LCK: variants seen among roughly 807,000 people sequenced by gnomAD.
The protein encoded by LCK is tyrosine-protein kinase Lck.
In LCK, 14 loss-of-function variants were observed where a neutral mutation model predicts 64.6. The ratio of observed to expected loss-of-function variants is 0.22; its 90% CI spans 0.14 to 0.34. The LOEUF is 0.34. Among genes scored for constraint, LCK ranks in the 10% least tolerant of loss-of-function variants. The pLI, the probability that LCK is intolerant of heterozygous loss-of-function variation, is 1.00. For synonymous variants in LCK, 277 were observed against 263.6 expected (o/e 1.05, Z -0.49); for missense variants, 434 against 668.1 (o/e 0.65, Z 3.86).
chr1:32,270,012 C>T (rs1640033423), intron 1 of LCK, among the ~76,000 whole-genome samples: 1 of 152,208 alleles, frequency 6.6e-6, no homozygotes, highest in Non-Finnish European at 1.5e-5. Context: ...GAACTTAGGT[C>T]TCTAACTATG....
intron 1 of LCK, among the ~76,000 whole-genome samples, chr1:32,257,441 G>A (rs1000761236): frequency 1.3e-5 from 2 of 151,746 alleles, no homozygotes; most frequent in Non-Finnish European, 2.9e-5. Flanking sequence ...TTGTACCGAC[G>A]GGGTTTTGCC....
rs779807330 is a variant in LCK at position 32,275,538 on chromosome 1, G to A, written c.378-31G>A. Reference sequence around the variant, plus strand: ...CACGGAGGAAGATCCGACGACAGCCGACGGCCTTCGTTCGCTTCCGCCCTG... The same window carrying A: ...CACGGAGGAAGATCCGACGACAGCCAACGGCCTTCGTTCGCTTCCGCCCTG... On this transcript the variant is annotated intron_variant, in intron 5 of 12. Transcript: ENST00000336890. This position sits in a 1 kb window ranked among gnomAD's most constrained non-coding sequence, Gnocchi z 6.9. 3 of 1,555,862 alleles carry A rather than the reference G, an allele frequency of 1.9e-6. No individual in the cohort carries two copies. The highest frequency in any genetic ancestry group is 1.7e-6 in the Non-Finnish European group (2 of 1,146,388).
At chr1:32,269,468 C>T (rs1640019758) in intron 1 of LCK, 1 of 151,504 alleles carries the variant, frequency 6.6e-6, no homozygotes, top group African/African-American at 2.4e-5. Flanking sequence ...GTATCTTGCT[C>T]TGTCACCTAG....
intron 1 of LCK, among the ~76,000 whole-genome samples, chr1:32,271,068 G>A (rs964349684): frequency 6.9e-5 from 10 of 145,598 alleles, no homozygotes; most frequent in Non-Finnish European, 1.3e-4. Flanking sequence ...TGGCACAATC[G>A]TAGCTCATTG....
intron 12 of LCK, among the ~76,000 whole-genome samples, chr1:32,284,385 G>A (rs1294291484): frequency 2.7e-5 from 4 of 149,094 alleles, no homozygotes; most frequent in Non-Finnish European, 5.9e-5. Flanking sequence ...TTTGAGACAA[G>A]AGTCTGGCTT....
At chr1:32,279,613 G>A (rs1640387486) in intron 9 of LCK, 58 bp from the exon 10 acceptor site, 7 of 1,613,428 alleles carry the variant, frequency 4.3e-6, no homozygotes, top group African/African-American at 4.0e-5. Context: ...GGAGGAGAAA[G>A]GTCTGGGGGC....
In LCK at chr1:32,279,831, T is replaced by A; in HGVS notation, c.1042-10T>A. On this transcript the variant is annotated splice_polypyrimidine_tract_variant and intron_variant, in intron 10 of 12. Coordinates refer to ENST00000336890, the MANE Select transcript of LCK (RefSeq NM_005356.5). The stretch of plus-strand genomic sequence containing the variant: ...TGGCTCAGGACCGCTGATCTGTGTT[T>A]GGCCTGCAGATTGCAGAAGGCATGG... The A allele has an allele frequency of 6.2e-7, 1 of 1,614,172 alleles. No individual in the cohort carries two copies. Among genetic ancestry groups the A allele is most frequent in the Non-Finnish European group, 8.5e-7 (1 of 1,180,006 alleles).
intron 12 of LCK, among the ~76,000 whole-genome samples, chr1:32,280,422 T>G (rs1249985232): frequency 6.6e-6 from 1 of 150,466 alleles, no homozygotes. Context: ...AGCTCTTTTC[T>G]TTTTCTCTTT....
rs376396038 is a variant in LCK, at chr1:32,281,951, C to T, written c.1327+1741C>T. Reference sequence around the variant, plus strand: ...TGGGCATGGTGGCACGCGCCTGTAACCCTAGATACTCAGGAGGCTGAGGCA... The same window carrying T: ...TGGGCATGGTGGCACGCGCCTGTAATCCTAGATACTCAGGAGGCTGAGGCA... On this transcript the variant is annotated intron_variant, in intron 12 of 12. Transcript: ENST00000336890. Among the ~76,000 whole-genome samples, 3 of 151,990 alleles carry T rather than the reference C, an allele frequency of 2.0e-5. No individual in the cohort carries two copies. The East Asian group carries it at 5.8e-4, about 29-fold the overall frequency.
In LCK at chr1:32,285,636, C is replaced by T. The variant is rs1640592411; in HGVS notation, c.1450C>T (p.Arg484Trp). Residue 484 changes from arginine to tryptophan, a missense_variant, in exon 13 of 13, where the codon CGG becomes TGG. Coordinates refer to ENST00000336890, the MANE Select transcript of LCK (RefSeq NM_005356.5). ...GTGCTGGAAGGAGCGCCCAGAGGAC[C>T]GGCCCACCTTTGACTACCTGCGCAG... The part of the protein sequence containing the change: ...RLCWKERPED[R>W]PTFDYLRSVL... 6 of 1,614,042 alleles carry T rather than the reference C, an allele frequency of 3.7e-6. No individual in the cohort carries two copies. The highest frequency in any genetic ancestry group is 1.7e-5 in the Admixed American group (1 of 59,994).
intron 1 of LCK, among the ~76,000 whole-genome samples, chr1:32,260,615 G>A (rs1345095996): frequency 6.6e-6 from 1 of 151,998 alleles, no homozygotes; most frequent in Admixed American, 6.6e-5. Context: ...TGTTTTTTGT[G>A]TTGCTTTGTT....
chr1:32,256,501 G>A (rs984691063), intron 1 of LCK, among the ~76,000 whole-genome samples: 2 of 151,838 alleles, frequency 1.3e-5, no homozygotes, highest in African/African-American at 4.8e-5. Flanking sequence ...GGGAGGCTGA[G>A]ACAGGAGAAT....
intron 1 of LCK, among the ~76,000 whole-genome samples, chr1:32,271,878 G>C (rs1481411820): frequency 6.6e-6 from 1 of 152,160 alleles, no homozygotes. Flanking sequence ...GTGGGACCCT[G>C]GGGCTGACAT....
At chr1:32,281,815 A>G (rs1640467831) in intron 12 of LCK, among the ~76,000 whole-genome samples, 1 of 152,142 alleles carries the variant, frequency 6.6e-6, no homozygotes, top group Non-Finnish European at 1.5e-5. Flanking sequence ...CTGTAATACC[A>G]GCACTTTGGG....
At chr1:32,273,125 TGA>T (rs1277049800) in intron 1 of LCK, among the ~76,000 whole-genome samples, 1 of 83,638 alleles carries the variant, frequency 1.2e-5, no homozygotes, top group African/African-American at 4.9e-5. Flanking sequence ...GGTACGTGTG[TGA>T]GAGTGGGTGC....
chr1:32,259,342 G>C (rs967754462), intron 1 of LCK, among the ~76,000 whole-genome samples: 4 of 150,820 alleles, frequency 2.7e-5, no homozygotes, highest in Admixed American at 2.0e-4. Flanking sequence ...GAGGCTGGGT[G>C]CGGTGGCTCA....
intron 9 of LCK, among the ~76,000 whole-genome samples, chr1:32,277,895 T>G (rs917353889): frequency 6.6e-6 from 1 of 152,140 alleles, no homozygotes; most frequent in Admixed American, 6.6e-5. Context: ...TATGCCTACT[T>G]CCAGGTGCTG....
Position 32,285,556 on chromosome 1 carries a change from A to T in LCK, c.1370A>T (p.Tyr457Phe). The T allele has an allele frequency of 6.2e-7, 1 of 1,614,224 alleles. No individual in the cohort carries two copies. The highest frequency in any genetic ancestry group is 8.5e-7 in the Non-Finnish European group (1 of 1,180,036). Residue 457 changes from tyrosine (Y) to phenylalanine (F), a missense_variant, in exon 13 of 13, where the codon TAC (tyrosine) becomes TTC (phenylalanine). This residue lies in a region of LCK where 201 missense variants were observed against 376.9 expected (regional missense o/e 0.53). Coordinates refer to ENST00000336890, the MANE Select transcript of LCK (RefSeq NM_005356.5). ...PEVIQNLERGYRMVRPDNCPE... is the reference protein window; with the variant it reads ...PEVIQNLERGFRMVRPDNCPE... ...GTGATTCAGAACCTGGAGCGAGGCT[A>T]CCGCATGGTGCGCCCTGACAACTGT... is the stretch of plus-strand genomic sequence containing the variant.
chr1:32,260,052 A>G (rs1399826684), intron 1 of LCK, among the ~76,000 whole-genome samples: 1 of 150,814 alleles, frequency 6.6e-6, no homozygotes, highest in Non-Finnish European at 1.5e-5. Flanking sequence ...ATTTTATTTT[A>G]TTTTATTTTT....
Sources: gnomAD v4.1 joint callset for allele counts (sites outside exome capture counted in the v4.1 genomes callset) on GRCh38, gnomAD v4.1.1 for gene constraint, gnomAD v4.1.1 regional missense constraint, Gnocchi (gnomAD v3.1) non-coding constraint, MANE v1.5 for transcripts, NCBI Gene and HGNC (gene_info 2026-07-23, HGNC 2026-07-21) for gene names.